Variants in XKR7 observed in about 807,000 individuals in gnomAD.
XKR7 encodes the protein XK-related protein 7.
In XKR7, 11 loss-of-function variants were observed where a neutral mutation model predicts 42.2. The observed-to-expected ratio is 0.26, with a 90% CI of 0.16 to 0.43. The LOEUF (loss-of-function observed/expected upper bound fraction) is 0.43. Among genes scored for constraint, XKR7 ranks in the 20% least tolerant of loss-of-function variants. XKR7 has a pLI of 1.00. For synonymous variants in XKR7, 346 were observed against 366.4 expected (o/e 0.94, Z 0.64); for missense variants, 710 against 802.2 (o/e 0.89, Z 1.39).
In XKR7 at chr20:31,997,528, T is replaced by A; in HGVS notation, c.*71T>A. 1.4e-6 allele frequency: 2 copies of A among 1,388,524 alleles called. No individual in the cohort carries two copies. Among genetic ancestry groups the A allele is most frequent in the African/African-American group, 1.4e-5 (1 of 70,002 alleles). 86.0% of individuals were successfully genotyped at this position (1,388,524 alleles called of 1,614,324 possible). On this transcript the variant is annotated 3_prime_UTR_variant, in exon 3 of 3. Coordinates refer to ENST00000562532, the MANE Select transcript of XKR7 (RefSeq NM_001011718.2). ...ATCCGCCGCAGTGTTGTGCCCCGAA[T>A]TTCAGGGCCACCAGGCTAAGGGGGA...
chr20:31,985,188 C>G lies in XKR7; in HGVS notation c.585-9880C>G, dbSNP rs574163689. 4.1e-4 allele frequency among the ~76,000 whole-genome samples: 63 copies of G among 152,270 alleles called. 1 individual carries two copies. Among genetic ancestry groups the G allele is most frequent in the Non-Finnish European group, 7.2e-4 (49 of 68,026 alleles). ...GGCTCTCCCATCTGCCTCCCAGCCC[C>G]ACCCTGTTCACTCTGTAGGGATCTG... On this transcript the variant is annotated intron_variant, in intron 1 of 2. Coordinates refer to ENST00000562532, the MANE Select transcript of XKR7 (RefSeq NM_001011718.2).
At chr20:31,978,998 G>T (rs187431312) in intron 1 of XKR7, among the ~76,000 whole-genome samples, 1 of 152,170 alleles carries the variant, frequency 6.6e-6, no homozygotes, top group East Asian at 1.9e-4. Context: ...AGCTGGGCAT[G>T]GTGGCACACG....
intron 1 of XKR7, among the ~76,000 whole-genome samples, chr20:31,990,798 A>C (rs1395901673): frequency 6.6e-6 from 1 of 152,162 alleles, no homozygotes; most frequent in African/African-American, 2.4e-5. Flanking sequence ...TCAGGCTTCA[A>C]ACATTTCCCT....
In XKR7 at chr20:31,995,049, C is replaced by T; in HGVS notation, c.585-19C>T. ...AGGAACCAGCGCGCGGGAGCCTGAG[C>T]ACCGCGTCCTTCCCGCAGGTACCTG... On this transcript the variant is annotated intron_variant, in intron 1 of 2. Transcript: ENST00000562532. The surrounding 1 kb of genome is among the most constrained non-coding windows in gnomAD (Gnocchi z 4.1). 1 of 1,540,948 alleles carries T rather than the reference C, an allele frequency of 6.5e-7. No homozygotes were observed. The highest frequency in any genetic ancestry group is 2.5e-5 in the East Asian group (1 of 40,628).
intron 1 of XKR7, among the ~76,000 whole-genome samples, chr20:31,976,480 G>T (rs2122253821): frequency 6.6e-6 from 1 of 152,064 alleles, no homozygotes; most frequent in East Asian, 1.9e-4. Flanking sequence ...TGCCTCCCCG[G>T]TTCAAGCGAT....
At chr20:31,977,362 G>A (rs1297713928) in intron 1 of XKR7, among the ~76,000 whole-genome samples, 1 of 152,134 alleles carries the variant, frequency 6.6e-6, no homozygotes, top group East Asian at 1.9e-4. Flanking sequence ...CCTAGGACTT[G>A]GACAAGAAAG....
Position 31,996,606 on chromosome 20 carries a change from A to C in XKR7, c.889A>C (p.Lys297Gln). ...GGACGACAAGCGGCCGCTGTCCTAC[A>C]AGGGCGCCGTGGCACAGGTGCTGTG... is the stretch of plus-strand genomic sequence containing the variant. ...SRDDKRPLSY[K>Q]GAVAQVLWHL... The change falls in exon 3 of 3, where the codon AAG (lysine) becomes CAG (glutamine). Residue 297 changes from lysine (K) to glutamine (Q), a missense_variant. This residue lies in a region of XKR7 where 708 missense variants were observed against 786.2 expected (regional missense o/e 0.90). Transcript: ENST00000562532. 6.4e-7 allele frequency: 1 copy of C among 1,569,526 alleles called. No homozygotes were observed. Among genetic ancestry groups the C allele is most frequent in the South Asian group, 1.2e-5 (1 of 84,824 alleles).
intron 1 of XKR7, among the ~76,000 whole-genome samples, chr20:31,974,767 A>G (rs147354499): frequency 2.6e-3 from 396 of 152,260 alleles, no homozygotes; most frequent in African/African-American, 8.6e-3. Context: ...GTTTTGAATA[A>G]TCTGTCCTAC....
chr20:31,996,668 C>A lies in XKR7; in HGVS notation c.951C>A (p.Phe317Leu), dbSNP rs1055834675. The A allele has an allele frequency of 3.1e-6, 5 of 1,602,346 alleles. No homozygotes were observed. Among genetic ancestry groups the A allele is most frequent in the Non-Finnish European group, 4.3e-6 (5 of 1,173,384 alleles). The change falls in exon 3 of 3, where the codon TTC becomes TTA. Residue 317 changes from phenylalanine to leucine, a missense_variant. Coordinates refer to ENST00000562532, the MANE Select transcript of XKR7 (RefSeq NM_001011718.2). ...LFSIAARGLA[F>L]ALFASVYKLY... Reference sequence around the variant, plus strand: ...GCATTGCCGCCCGCGGCCTGGCCTTCGCGCTCTTCGCCAGCGTCTACAAGC... The same window carrying A: ...GCATTGCCGCCCGCGGCCTGGCCTTAGCGCTCTTCGCCAGCGTCTACAAGC...
intron 1 of XKR7, among the ~76,000 whole-genome samples, chr20:31,981,660 G>A (rs1022678500): frequency 6.6e-6 from 1 of 151,990 alleles, no homozygotes; most frequent in Non-Finnish European, 1.5e-5. Flanking sequence ...CCACTGCACT[G>A]CAGCCTGGGC....
rs778957299 is a variant in XKR7, at chr20:31,996,585, G to A, written c.868G>A (p.Asp290Asn). The change falls in exon 3 of 3, where the codon GAC (aspartate) becomes AAC (asparagine). Residue 290 changes from aspartate (D) to asparagine (N), a missense_variant. By Grantham distance (23) the Asp-to-Asn change is conservative. Around this residue, in one of 2 missense-constraint regions of XKR7, gnomAD observed 708 missense variants for 786.2 expected, o/e 0.90. Coordinates refer to ENST00000562532, the MANE Select transcript of XKR7 (RefSeq NM_001011718.2). ...YQKVLRDSRDDKRPLSYKGAV... is the reference protein window; with the variant it reads ...YQKVLRDSRDNKRPLSYKGAV... ...GAAGGTGCTGCGGGACTCGCGGGAC[G>A]ACAAGCGGCCGCTGTCCTACAAGGG... is the stretch of plus-strand genomic sequence containing the variant. The A allele has an allele frequency of 4.5e-6, 7 of 1,543,988 alleles. No homozygotes were observed. Among genetic ancestry groups the A allele is most frequent in the Non-Finnish European group, 6.1e-6 (7 of 1,148,270 alleles).
At chr20:31,971,767 C>A (rs1387100391) in intron 1 of XKR7, among the ~76,000 whole-genome samples, 1 of 152,092 alleles carries the variant, frequency 6.6e-6, no homozygotes, top group African/African-American at 2.4e-5. Flanking sequence ...ATTAAAAATT[C>A]AAATGCTTTG....
chr20:31,991,487 C>T (rs549616158), intron 1 of XKR7, among the ~76,000 whole-genome samples: 1 of 152,070 alleles, frequency 6.6e-6, no homozygotes, highest in Non-Finnish European at 1.5e-5. Context: ...AATTTCAGAC[C>T]TGGACCAAAC....
chr20:31,979,836 C>T (rs2064503096), intron 1 of XKR7, among the ~76,000 whole-genome samples: 1 of 152,064 alleles, frequency 6.6e-6, no homozygotes, highest in African/African-American at 2.4e-5. Context: ...GAACAAAAGG[C>T]CTTGGGCTAG....
At chr20:31,975,729 CAG>C (rs2064481908) in intron 1 of XKR7, among the ~76,000 whole-genome samples, 1 of 151,986 alleles carries the variant, frequency 6.6e-6, no homozygotes, top group Non-Finnish European at 1.5e-5. Flanking sequence ...GGGGTGGGGT[CAG>C]GGGAGATTTC....
rs1366881449 is a variant in XKR7 at position 32,001,290 on chromosome 20, G to A, written c.*3833G>A. The A allele has an allele frequency of 6.6e-6, 1 of 152,238 alleles. No individual in the cohort carries two copies. The highest frequency in any genetic ancestry group is 1.5e-5 in the Non-Finnish European group (1 of 68,042). The allele number at this position is 152,238 out of a possible 1,614,324, so 9.4% of individuals were successfully genotyped here. On this transcript the variant is annotated 3_prime_UTR_variant, in exon 3 of 3. Coordinates refer to ENST00000562532, the MANE Select transcript of XKR7 (RefSeq NM_001011718.2). The stretch of plus-strand genomic sequence containing the variant: ...CTAAGAGTAATGGAGACAATAGGGA[G>A]TGTTGGGGACTCTGGCAGACAGGAG...
rs1189016057 is a variant in XKR7 at position 31,999,879 on chromosome 20, T to C, written c.*2422T>C. 6.6e-6 allele frequency: 1 copy of C among 152,206 alleles called. No individual in the cohort carries two copies. Among genetic ancestry groups the C allele is most frequent in the Non-Finnish European group, 1.5e-5 (1 of 68,078 alleles). 9.4% of individuals were successfully genotyped at this position (152,206 alleles called of 1,614,324 possible). ...TGGCTGCTGCCTTCTAGAGGAAAAG[T>C]CCTAGCTGGGGTCCTTTACACTCCA... On this transcript the variant is annotated 3_prime_UTR_variant, in exon 3 of 3. Coordinates refer to ENST00000562532, the MANE Select transcript of XKR7 (RefSeq NM_001011718.2).
chr20:31,968,706 C>A lies in XKR7; in HGVS notation c.531C>A (p.Cys177Ter). 1 of 1,565,494 alleles carries A rather than the reference C, an allele frequency of 6.4e-7. No individual in the cohort carries two copies. The highest frequency in any genetic ancestry group is 8.6e-7 in the Non-Finnish European group (1 of 1,163,800). ...SAYRRRCCRL[C>*]IWLLQTLVHL... The stretch of plus-strand genomic sequence containing the variant: ...ACCGCCGCCGCTGCTGCCGCCTCTG[C>A]ATCTGGCTGCTGCAGACCCTCGTCC... Residue 177 changes from cysteine (C) to a stop codon, truncating the protein, a stop_gained, in exon 1 of 3, where the codon TGC becomes TGA. Coordinates refer to ENST00000562532, the MANE Select transcript of XKR7 (RefSeq NM_001011718.2). LOFTEE classifies it high-confidence loss of function. This position sits in a 1 kb window ranked among gnomAD's most constrained non-coding sequence, Gnocchi z 4.5.
chr20:31,984,009 T>C (rs2064525766), intron 1 of XKR7, among the ~76,000 whole-genome samples: 1 of 149,688 alleles, frequency 6.7e-6, no homozygotes. Context: ...AGTGGTTCAC[T>C]CCCAGCACTT....
Sources: allele counts gnomAD v4.1 joint callset (sites outside exome capture counted in the v4.1 genomes callset), GRCh38; gene constraint gnomAD v4.1.1; regional missense constraint gnomAD v4.1.1; non-coding constraint Gnocchi (gnomAD v3.1); transcripts MANE v1.5; gene names NCBI Gene and HGNC (gene_info 2026-07-23, HGNC 2026-07-21).